Variants in TYW1B observed in about 807,000 individuals in gnomAD.
TYW1B encodes the protein S-adenosyl-L-methionine-dependent tRNA 4-demethylwyosine synthase TYW1B.
TYW1B carries 73 observed loss-of-function variants against 86.9 expected under a neutral mutation model. The ratio of observed to expected loss-of-function variants is 0.84; its 90% CI spans 0.70 to 1.02. The LOEUF (loss-of-function observed/expected upper bound fraction) is 1.02. Ranked by LOEUF, TYW1B falls within the 50% of genes least tolerant of loss-of-function variation. The pLI is 0.00. For missense variants in TYW1B, 637 were observed against 827.4 expected (o/e 0.77, Z 2.82); for synonymous variants, 248 against 292.8 (o/e 0.85, Z 1.56).
chr7:72,798,544 G>C (rs539261469), intron 6 of TYW1B, among the ~76,000 whole-genome samples: 4 of 152,010 alleles, frequency 2.6e-5, no homozygotes, highest in Non-Finnish European at 4.4e-5. Flanking sequence ...ACCAGTATTC[G>C]ACAGAGTTGT....
At chr7:72,771,406 G>C (rs1787866454) in intron 7 of TYW1B, among the ~76,000 whole-genome samples, 1 of 152,180 alleles carries the variant, frequency 6.6e-6, no homozygotes. Flanking sequence ...CTTAATTGGA[G>C]TTGGTGAATA....
intron 9 of TYW1B, chr7:72,723,192 G>C (rs1351531816): frequency 1.0e-4 from 38 of 377,988 alleles, no homozygotes; most frequent in Admixed American, 1.4e-4. Context: ...TGGGGCTGGG[G>C]CCTCACTTCC....
chr7:72,593,362 G>A (rs1337252689), intron 13 of TYW1B, among the ~76,000 whole-genome samples: 15 of 151,790 alleles, frequency 9.9e-5, no homozygotes, highest in African/African-American at 3.4e-4. Flanking sequence ...GATTTAACAG[G>A]CACACAGAAC....
intron 11 of TYW1B, among the ~76,000 whole-genome samples, chr7:72,652,429 G>T (rs1813088517): frequency 7.0e-6 from 1 of 142,458 alleles, no homozygotes; most frequent in African/African-American, 2.6e-5. Context: ...TGTTACAATG[G>T]AATTCTTCAA....
intron 7 of TYW1B, among the ~76,000 whole-genome samples, chr7:72,748,943 A>T (rs1787441916): frequency 6.6e-6 from 1 of 151,934 alleles, no homozygotes; most frequent in African/African-American, 2.4e-5. Context: ...TGGCCTCATA[A>T]AATGAGTTCA....
intron 4 of TYW1B, 45 bp from the exon 5 acceptor site, chr7:72,807,401 C>T: frequency 6.3e-7 from 1 of 1,578,342 alleles, no homozygotes; most frequent in Non-Finnish European, 8.6e-7. Context: ...TTCTCTAAAT[C>T]AGGGTTTTCC....
At position 72,828,088 on chromosome 7, in the gene TYW1B, C is replaced by T. The variant is rs782549546; in HGVS notation, c.-13G>A. ...TGCCCTTACCCATCCTCCTCAGAGC[C>T]GACAGGAGACTAGGATCTCGGACCT... On this transcript the variant is annotated 5_prime_UTR_variant, in exon 1 of 14. Coordinates refer to ENST00000620995, the MANE Select transcript of TYW1B (RefSeq NM_001145440.3). 6.2e-7 allele frequency: 1 copy of T among 1,613,944 alleles called. No homozygotes were observed. The highest frequency in any genetic ancestry group is 1.7e-5 in the Admixed American group (1 of 59,978).
intron 13 of TYW1B, among the ~76,000 whole-genome samples, chr7:72,592,370 T>A (rs529287558): frequency 6.6e-6 from 1 of 152,216 alleles, no homozygotes; most frequent in Admixed American, 6.5e-5. Flanking sequence ...GCAATGTCCA[T>A]TGTAAGCACA....
chr7:72,781,536 C>G (rs1788050163), intron 6 of TYW1B, among the ~76,000 whole-genome samples: 2 of 152,166 alleles, frequency 1.3e-5, no homozygotes, highest in South Asian at 2.1e-4. Context: ...TAAAGCCTTT[C>G]TTTTTTCAAA....
intron 11 of TYW1B, among the ~76,000 whole-genome samples, chr7:72,681,392 C>T (rs1813870891): frequency 6.6e-6 from 1 of 152,134 alleles, no homozygotes; most frequent in Non-Finnish European, 1.5e-5. Flanking sequence ...TAAGCAGTCA[C>T]ACCAACCCCT....
At chr7:72,721,680 G>A (rs1421449431) in intron 9 of TYW1B, among the ~76,000 whole-genome samples, 3 of 151,646 alleles carry the variant, frequency 2.0e-5, no homozygotes, top group Non-Finnish European at 4.4e-5. Context: ...GCACACACAC[G>A]ATCTGTTCTC....
In TYW1B at chr7:72,739,104, T is replaced by C. The variant is rs34823259; in HGVS notation, c.1082+5380A>G. ...TGGGATGATAGTATTGTGGCTATATTATTTTTTAACAGATCTTATTATTTA... is the reference window on the plus strand; with the variant it reads ...TGGGATGATAGTATTGTGGCTATATCATTTTTTAACAGATCTTATTATTTA... On this transcript the variant is annotated intron_variant, in intron 8 of 13. Coordinates refer to ENST00000620995, the MANE Select transcript of TYW1B (RefSeq NM_001145440.3). 3.3e-5 allele frequency among the ~76,000 whole-genome samples: 5 copies of C among 152,072 alleles called. No homozygotes were observed. In the South Asian group the frequency reaches 6.2e-4, roughly 19 times the overall value.
intron 13 of TYW1B, among the ~76,000 whole-genome samples, chr7:72,607,463 G>C (rs1161066414): frequency 6.7e-6 from 1 of 148,696 alleles, no homozygotes; most frequent in African/African-American, 2.5e-5. Context: ...CAAGAAGAAA[G>C]AAAAGAGAAG....
At chr7:72,578,039 G>A (rs1811066154) in intron 13 of TYW1B, among the ~76,000 whole-genome samples, 1 of 151,832 alleles carries the variant, frequency 6.6e-6, no homozygotes, top group Admixed American at 6.6e-5. Flanking sequence ...AAGCCTGCTG[G>A]CTCTGTGAAT....
At chr7:72,583,891 AG>A (rs1811214207) in intron 13 of TYW1B, among the ~76,000 whole-genome samples, 1 of 152,252 alleles carries the variant, frequency 6.6e-6, no homozygotes, top group South Asian at 2.1e-4. Flanking sequence ...CCATATCCTC[AG>A]GAAGTAGAAG....
chr7:72,582,190 G>A (rs2961009), intron 13 of TYW1B, among the ~76,000 whole-genome samples: 5 of 151,654 alleles, frequency 3.3e-5, no homozygotes, highest in African/African-American at 2.4e-5. Context: ...GGATATATTC[G>A]TTGAAATAAT....
At chr7:72,612,745 CTTTTA>C (rs1811964852) in intron 13 of TYW1B, among the ~76,000 whole-genome samples, 1 of 151,990 alleles carries the variant, frequency 6.6e-6, no homozygotes, top group African/African-American at 2.4e-5. Flanking sequence ...AAAACCATTT[CTTTTA>C]TTTATTTATT....
At chr7:72,748,522 G>C (rs1443375055) in intron 7 of TYW1B, among the ~76,000 whole-genome samples, 2 of 146,404 alleles carry the variant, frequency 1.4e-5, no homozygotes, top group Non-Finnish European at 3.0e-5. Context: ...AGACATACTT[G>C]TCTTGTTCCC....
At chr7:72,632,364 T>TATATATAC (rs1342544220) in intron 11 of TYW1B, among the ~76,000 whole-genome samples, 2 of 103,986 alleles carry the variant, frequency 1.9e-5, no homozygotes, top group African/African-American at 9.7e-5. Flanking sequence ...ATTATATATA[T>TATATATAC]ACGCATATAT....
Sources: allele counts gnomAD v4.1 joint callset (sites outside exome capture counted in the v4.1 genomes callset), GRCh38; gene constraint gnomAD v4.1.1; transcripts MANE v1.5; gene names NCBI Gene and HGNC (gene_info 2026-07-23, HGNC 2026-07-21).